RYR3: variants seen among roughly 807,000 people sequenced by gnomAD.
RYR3 encodes brain ryanodine receptor-calcium release channel.
A neutral mutation model predicts 584.3 loss-of-function variants in RYR3; 207 were observed. That is an observed-to-expected ratio of 0.35 (90% CI 0.32 to 0.40). The LOEUF (loss-of-function observed/expected upper bound fraction) is 0.40, where lower values mean the gene tolerates loss of function less well. RYR3 is among the 10% of genes least tolerant of loss of function. The probability of loss-of-function intolerance (pLI) is 1.00; values close to 1 mark genes in which losing one functional copy is unlikely to be tolerated. For synonymous variants in RYR3, 2,416 were observed against 2,248.5 expected (o/e 1.07, Z -2.11); for missense variants, 5,616 against 6,089.2 (o/e 0.92, Z 2.59).
chr15:33,445,184 A>T (rs970457662), intron 1 of RYR3, among the ~76,000 whole-genome samples: 1 of 152,170 alleles, frequency 6.6e-6, no homozygotes, highest in Non-Finnish European at 1.5e-5. Context: ...CAGTGGTCAG[A>T]GCAGAGGTGG....
At chr15:33,375,210 CA>C (rs1164374166) in intron 1 of RYR3, among the ~76,000 whole-genome samples, 1 of 152,082 alleles carries the variant, frequency 6.6e-6, no homozygotes, top group Non-Finnish European at 1.5e-5. Context: ...GGGTTTGCCC[CA>C]AGTTTTTAAG....
At chr15:33,779,664 G>C (rs2074256963) in intron 64 of RYR3, among the ~76,000 whole-genome samples, 2 of 152,154 alleles carry the variant, frequency 1.3e-5, no homozygotes, top group African/African-American at 4.8e-5. Flanking sequence ...TGCTGGGAGA[G>C]AGGGACAAAG....
Position 33,658,205 on chromosome 15 carries a change from T to G in RYR3, c.4309-1515T>G, listed in dbSNP as rs554259075. ...GCCAGGCTGCCTTCTTTTCTAGAGC[T>G]CAGTATCTTCTTCCATGCTTACGTG... On this transcript the variant is annotated intron_variant, in intron 32 of 103. Coordinates refer to ENST00000634891, the MANE Select transcript of RYR3 (RefSeq NM_001036.6). 5.9e-5 allele frequency among the ~76,000 whole-genome samples: 9 copies of G among 152,340 alleles called. No individual in the cohort carries two copies. In the South Asian group the frequency reaches 1.7e-3, roughly 28 times the overall value.
intron 1 of RYR3, among the ~76,000 whole-genome samples, chr15:33,315,453 T>C (rs1276535682): frequency 6.6e-6 from 1 of 152,210 alleles, no homozygotes; most frequent in Non-Finnish European, 1.5e-5. Flanking sequence ...AGACCTCAGA[T>C]ACCCAGACAT....
chr15:33,367,663 A>G (rs373883706), intron 1 of RYR3, among the ~76,000 whole-genome samples: 3 of 152,342 alleles, frequency 2.0e-5, no homozygotes, highest in African/African-American at 7.2e-5. Context: ...TTCATTCTTA[A>G]GAAGTTACAC....
At chr15:33,725,970 C>CA (rs1473211039) in intron 45 of RYR3, among the ~76,000 whole-genome samples, 4 of 30,614 alleles carry the variant, frequency 1.3e-4, no homozygotes, top group East Asian at 2.6e-3. Flanking sequence ...ACTCCATCCC[C>CA]CCCCCCAAAA....
chr15:33,623,839 A>G lies in RYR3; in HGVS notation c.2390A>G (p.Glu797Gly). 6.2e-7 allele frequency: 1 copy of G among 1,613,518 alleles called. No individual in the cohort carries two copies. The highest frequency in any genetic ancestry group is 8.5e-7 in the Non-Finnish European group (1 of 1,179,612). The change falls in exon 20 of 104, where the codon GAG (glutamate) becomes GGG (glycine). Residue 797 changes from glutamate to glycine, a missense_variant. Coordinates refer to ENST00000634891, the MANE Select transcript of RYR3 (RefSeq NM_001036.6). ...VRFLMGGRHGEFKFLPPSGYA... is the reference protein window; with the variant it reads ...VRFLMGGRHGGFKFLPPSGYA... ...TTCCTGATGGGTGGACGTCATGGAGAGTTTAAGTTCCTGCCTCCCTCTGGC... is the reference window on the plus strand; with the variant it reads ...TTCCTGATGGGTGGACGTCATGGAGGGTTTAAGTTCCTGCCTCCCTCTGGC...
chr15:33,432,996 T>C (rs962953322), intron 1 of RYR3, among the ~76,000 whole-genome samples: 1 of 151,814 alleles, frequency 6.6e-6, no homozygotes, highest in African/African-American at 2.4e-5. Flanking sequence ...AATTAGTTTA[T>C]TGATCAATTC....
chr15:33,701,129 G>T (rs1159099349), intron 42 of RYR3, 49 bp downstream of exon 42: 3 of 1,249,926 alleles, frequency 2.4e-6, no homozygotes, highest in Non-Finnish European at 3.5e-6. Context: ...GGCCTGTAGT[G>T]CAGCTAAGCT....
At chr15:33,436,158 T>TA (rs1403870808) in intron 1 of RYR3, among the ~76,000 whole-genome samples, 1 of 152,224 alleles carries the variant, frequency 6.6e-6, no homozygotes, top group Non-Finnish European at 1.5e-5. Context: ...AAGGTTGTGT[T>TA]CATTTGAGTT....
intron 2 of RYR3, among the ~76,000 whole-genome samples, chr15:33,497,488 T>C (rs1013873976): frequency 1.3e-5 from 2 of 152,194 alleles, no homozygotes; most frequent in South Asian, 2.1e-4. Context: ...CTGCTGCTGC[T>C]ACTTTAATTT....
chr15:33,725,528 G>A (rs957525343), intron 45 of RYR3, among the ~76,000 whole-genome samples: 3 of 152,176 alleles, frequency 2.0e-5, no homozygotes, highest in South Asian at 2.1e-4. Context: ...GGGTGGATCG[G>A]GCTACTCAAG....
chr15:33,445,598 A>G (rs888176802), intron 1 of RYR3, among the ~76,000 whole-genome samples: 3 of 149,994 alleles, frequency 2.0e-5, no homozygotes, highest in African/African-American at 7.4e-5. Context: ...TCAGATGATG[A>G]ATATAAATTC....
intron 27 of RYR3, among the ~76,000 whole-genome samples, chr15:33,637,008 T>C (rs939701534): frequency 1.3e-5 from 2 of 152,234 alleles, no homozygotes; most frequent in African/African-American, 4.8e-5. Context: ...AAAAGTTAGA[T>C]TTAGCTATTT....
intron 90 of RYR3, among the ~76,000 whole-genome samples, chr15:33,841,230 A>C (rs1412006764): frequency 3.3e-5 from 5 of 152,108 alleles, no homozygotes; most frequent in African/African-American, 4.8e-5. Context: ...AACAAAAAAG[A>C]AAAAAAGAAA....
intron 7 of RYR3, among the ~76,000 whole-genome samples, chr15:33,542,656 C>T (rs2055919123): frequency 6.6e-6 from 1 of 152,096 alleles, no homozygotes; most frequent in South Asian, 2.1e-4. Flanking sequence ...CATGATTGCT[C>T]ATTCTTACTG....
chr15:33,670,364 C>G, intron 37 of RYR3, 55 bp from the exon 38 acceptor site: 1 of 1,586,890 alleles, frequency 6.3e-7, no homozygotes, highest in South Asian at 1.1e-5. Context: ...CTTTGTGACA[C>G]TATGATGGTT....
At chr15:33,436,037 A>ATT (rs1396355409) in intron 1 of RYR3, among the ~76,000 whole-genome samples, 3 of 151,940 alleles carry the variant, frequency 2.0e-5, no homozygotes, top group Non-Finnish European at 2.9e-5. Context: ...CAAAGTGCTG[A>ATT]TTGGTGCATT....
intron 2 of RYR3, among the ~76,000 whole-genome samples, chr15:33,479,932 A>C (rs1327961207): frequency 6.6e-6 from 1 of 152,198 alleles, no homozygotes; most frequent in Admixed American, 6.5e-5. Context: ...AGCAGTGTTA[A>C]ATTTTTGTAC....
Sources: gnomAD v4.1 joint callset for allele counts (sites outside exome capture counted in the v4.1 genomes callset) on GRCh38, gnomAD v4.1.1 for gene constraint, MANE v1.5 for transcripts, NCBI Gene and HGNC (gene_info 2026-07-23, HGNC 2026-07-21) for gene names.